The following FGGY variants were observed in gnomAD, a reference collection of about 807,000 sequenced individuals.
FGGY encodes FGGY carbohydrate kinase domain-containing protein.
In FGGY, 72 loss-of-function variants were observed where a neutral mutation model predicts 71.3. That is an observed-to-expected ratio of 1.01 (90% CI 0.84 to 1.23). The LOEUF (loss-of-function observed/expected upper bound fraction) is 1.23. FGGY is among the 50% of genes most tolerant of loss of function. The pLI, the probability that FGGY is intolerant of heterozygous loss-of-function variation, is 0.00. For synonymous variants in FGGY, 251 were observed against 250.3 expected, an observed-to-expected ratio of 1.00 and a Z score of -0.02; for missense variants, 668 against 682.3, an observed-to-expected ratio of 0.98 and a Z score of 0.23.
chr1:59,591,693 A>T (rs2153791490), intron 8 of FGGY, among the ~76,000 whole-genome samples: 1 of 152,330 alleles, frequency 6.6e-6, no homozygotes, highest in South Asian at 2.1e-4. Context: ...TGGGGAAAGG[A>T]TTCCCTATTT....
intron 6 of FGGY, among the ~76,000 whole-genome samples, chr1:59,504,756 A>C (rs948070632): frequency 6.6e-6 from 1 of 152,244 alleles, no homozygotes; most frequent in Admixed American, 6.5e-5. Flanking sequence ...TTCAAGATCA[A>C]GAGTTAAACT....
At chr1:59,372,692 A>T (rs1436634030) in intron 4 of FGGY, among the ~76,000 whole-genome samples, 1 of 152,334 alleles carries the variant, frequency 6.6e-6, no homozygotes, top group South Asian at 2.1e-4. Context: ...CCAGCACCAC[A>T]TCAAAAAGCT....
intron 1 of FGGY, among the ~76,000 whole-genome samples, chr1:59,312,450 T>C (rs1340713120): frequency 6.6e-6 from 1 of 152,206 alleles, no homozygotes; most frequent in Non-Finnish European, 1.5e-5. Flanking sequence ...GATTCTCCTC[T>C]CCTTTTCTCT....
At chr1:59,465,805 G>C (rs1049423670) in intron 6 of FGGY, among the ~76,000 whole-genome samples, 3 of 152,290 alleles carry the variant, frequency 2.0e-5, no homozygotes, top group Non-Finnish European at 2.9e-5. Context: ...CAAAGGATGT[G>C]AAGTACCTCT....
At chr1:59,588,356 T>C (rs2096354721) in intron 8 of FGGY, among the ~76,000 whole-genome samples, 1 of 152,046 alleles carries the variant, frequency 6.6e-6, no homozygotes, top group East Asian at 1.9e-4. Context: ...TGGAACCAAG[T>C]TGAAAAACAC....
At position 59,659,053 on chromosome 1, in the gene FGGY, T is replaced by A. The variant is rs768065028; in HGVS notation, c.1222-1166T>A. 4.6e-5 allele frequency among the ~76,000 whole-genome samples: 7 copies of A among 152,120 alleles called. No homozygotes were observed. In the South Asian group the frequency reaches 6.2e-4, roughly 14 times the overall value. On this transcript the variant is annotated intron_variant, in intron 11 of 15. Transcript: ENST00000303721. ...CCTGGCTACTAAAAATACAAAAAAA[T>A]TAGCCAGATGTGGTGGTATACATCT...
intron 8 of FGGY, among the ~76,000 whole-genome samples, chr1:59,559,704 A>G (rs899987449): frequency 1.3e-5 from 2 of 152,192 alleles, no homozygotes; most frequent in Non-Finnish European, 2.9e-5. Context: ...AGTGCCAGAA[A>G]GTTAGGAAGT....
At chr1:59,722,365 A>T (rs774305538) in intron 14 of FGGY, among the ~76,000 whole-genome samples, 1 of 152,180 alleles carries the variant, frequency 6.6e-6, no homozygotes, top group South Asian at 2.1e-4. Context: ...TCCTTTTTAC[A>T]CTGTACTCTT....
chr1:59,694,538 A>G (rs1417992005), intron 14 of FGGY, among the ~76,000 whole-genome samples: 1 of 152,126 alleles, frequency 6.6e-6, no homozygotes, highest in Non-Finnish European at 1.5e-5. Context: ...GACAACCAGG[A>G]CAAAGAATTG....
intron 5 of FGGY, among the ~76,000 whole-genome samples, chr1:59,430,356 C>T (rs2067122514): frequency 6.6e-6 from 1 of 152,134 alleles, no homozygotes; most frequent in Non-Finnish European, 1.5e-5. Flanking sequence ...GTCCAAACCA[C>T]CCTGAATATT....
chr1:59,640,363 T>A (rs1231688293), intron 11 of FGGY, among the ~76,000 whole-genome samples: 1 of 152,222 alleles, frequency 6.6e-6, no homozygotes, highest in Admixed American at 6.5e-5. Context: ...TGTTATGTTA[T>A]ATCCTTTTGC....
At chr1:59,481,507 A>G (rs2093466772) in intron 6 of FGGY, among the ~76,000 whole-genome samples, 1 of 152,104 alleles carries the variant, frequency 6.6e-6, no homozygotes, top group African/African-American at 2.4e-5. Flanking sequence ...GAATTATGAC[A>G]TGTGGGAATC....
At chr1:59,386,208 G>A (rs2060052097) in intron 5 of FGGY, among the ~76,000 whole-genome samples, 1 of 151,638 alleles carries the variant, frequency 6.6e-6, no homozygotes, top group Non-Finnish European at 1.5e-5. Flanking sequence ...TTACCTAATG[G>A]CCTTTTTACC....
chr1:59,306,544 CTGTTAT>C (rs2043466549), intron 1 of FGGY, among the ~76,000 whole-genome samples: 1 of 152,174 alleles, frequency 6.6e-6, no homozygotes, highest in African/African-American at 2.4e-5. Flanking sequence ...TGGAGAGGAT[CTGTTAT>C]TTTAGCCCAA....
chr1:59,696,174 T>A (rs1056841597), intron 14 of FGGY, among the ~76,000 whole-genome samples: 3 of 152,070 alleles, frequency 2.0e-5, no homozygotes, highest in Non-Finnish European at 2.9e-5. Flanking sequence ...AAAATGGAGA[T>A]AAAATAAGAT....
intron 5 of FGGY, among the ~76,000 whole-genome samples, chr1:59,384,034 C>G (rs1220851435): frequency 6.6e-6 from 1 of 152,122 alleles, no homozygotes; most frequent in African/African-American, 2.4e-5. Context: ...AAGTGGAGGG[C>G]GTCTTGTTAA....
chr1:59,553,385 C>G (rs1306658700), intron 7 of FGGY, among the ~76,000 whole-genome samples: 14 of 152,150 alleles, frequency 9.2e-5, no homozygotes, highest in Non-Finnish European at 2.1e-4. Context: ...AAGAGTCTTT[C>G]TAGCTTTCTT....
chr1:59,496,759 A>G (rs939953782), intron 6 of FGGY, among the ~76,000 whole-genome samples: 1 of 152,216 alleles, frequency 6.6e-6, no homozygotes, highest in Non-Finnish European at 1.5e-5. Context: ...AAATGTCTAC[A>G]ATCAAATCAG....
intron 9 of FGGY, among the ~76,000 whole-genome samples, chr1:59,614,643 G>T (rs996468740): frequency 6.6e-6 from 1 of 152,110 alleles, no homozygotes; most frequent in African/African-American, 2.4e-5. Context: ...TGGAAGTTCT[G>T]GTCAGGGCAA....
Sources: gnomAD v4.1 joint callset for allele counts (sites outside exome capture counted in the v4.1 genomes callset) on GRCh38, gnomAD v4.1.1 for gene constraint, MANE v1.5 for transcripts, NCBI Gene and HGNC (gene_info 2026-07-23, HGNC 2026-07-21) for gene names.